ZFHX3: variants seen among roughly 807,000 people sequenced by gnomAD.
ZFHX3 encodes zinc finger homeobox 3.
ZFHX3 carries 42 observed loss-of-function variants against 279.1 expected under a neutral mutation model. That is an observed-to-expected ratio of 0.15 (90% CI 0.12 to 0.19). ZFHX3 has a LOEUF of 0.19. Among genes scored for constraint, ZFHX3 ranks in the 10% least tolerant of loss-of-function variants. The pLI, the probability that ZFHX3 is intolerant of heterozygous loss-of-function variation, is 1.00. For synonymous variants in ZFHX3, 2,293 were observed against 1,957.8 expected (o/e 1.17, Z -4.52); for missense variants, 4,981 against 4,754.0 (o/e 1.05, Z -1.40).
At position 72,980,325 on chromosome 16, in the gene ZFHX3, G is replaced by C. The variant is rs542859277; in HGVS notation, c.-49-20131C>G. Among the ~76,000 whole-genome samples the C allele has an allele frequency of 2.6e-5, 4 of 152,316 alleles. 1 individual carries two copies. The South Asian group carries it at 8.3e-4, about 32-fold the overall frequency. On this transcript the variant is annotated intron_variant, in intron 1 of 9. Coordinates refer to ENST00000268489, the MANE Select transcript of ZFHX3 (RefSeq NM_006885.4). The stretch of plus-strand genomic sequence containing the variant: ...AGGAGGAGAACTGTTCTAGATTAAA[G>C]GGGACCTAAGAACCAAACAACAGCT...
At chr16:73,566,602 C>A (rs940017385) in intron 2 of ZFHX3, among the ~76,000 whole-genome samples, 3 of 146,988 alleles carry the variant, frequency 2.0e-5, no homozygotes, top group Non-Finnish European at 3.0e-5. Context: ...ATTCCTGTGG[C>A]CTCAAACTCC....
chr16:73,562,667 G>T (rs909472759), intron 2 of ZFHX3, among the ~76,000 whole-genome samples: 1 of 149,814 alleles, frequency 6.7e-6, no homozygotes, highest in Non-Finnish European at 1.5e-5. Flanking sequence ...AGAAGGCAGA[G>T]ATGATTTCTC....
intron 3 of ZFHX3, among the ~76,000 whole-genome samples, chr16:72,926,189 T>C (rs1234663389): frequency 1.3e-5 from 2 of 152,226 alleles, no homozygotes; most frequent in African/African-American, 4.8e-5. Context: ...TGTCTTATCA[T>C]TTTATTTTGC....
At chr16:73,193,171 C>G (rs1025180758) in intron 5 of ZFHX3, among the ~76,000 whole-genome samples, 2 of 152,152 alleles carry the variant, frequency 1.3e-5, no homozygotes, top group African/African-American at 4.8e-5. Context: ...GTGGATGAGA[C>G]AGCAAAGAGC....
chr16:73,243,744 TTG>T (rs34895940), intron 5 of ZFHX3, among the ~76,000 whole-genome samples: 29 of 149,712 alleles, frequency 1.9e-4, no homozygotes, highest in Admixed American at 4.7e-4. Flanking sequence ...CCAACACGTT[TTG>T]TGTGTGTGTG....
chr16:73,495,882 A>G (rs1424812250), intron 2 of ZFHX3, among the ~76,000 whole-genome samples: 1 of 152,138 alleles, frequency 6.6e-6, no homozygotes, highest in Non-Finnish European at 1.5e-5. Context: ...ATGAATTTTT[A>G]TTTCATTTTG....
At chr16:73,487,053 G>A (rs1330694706) in intron 2 of ZFHX3, among the ~76,000 whole-genome samples, 1 of 152,180 alleles carries the variant, frequency 6.6e-6, no homozygotes, top group Admixed American at 6.5e-5. Context: ...GATGGAAAAT[G>A]GTATGAGAGA....
At chr16:73,809,958 A>G (rs1167967919) in intron 1 of ZFHX3, among the ~76,000 whole-genome samples, 1 of 152,138 alleles carries the variant, frequency 6.6e-6, no homozygotes, top group Non-Finnish European at 1.5e-5. Flanking sequence ...AGGGAATAAA[A>G]GCATTTTCTT....
At chr16:72,902,912 G>A (rs1018129117) in intron 3 of ZFHX3, among the ~76,000 whole-genome samples, 1 of 152,166 alleles carries the variant, frequency 6.6e-6, no homozygotes, top group East Asian at 1.9e-4. Flanking sequence ...AACAAAAACC[G>A]CCACTCTGAG....
intron 3 of ZFHX3, among the ~76,000 whole-genome samples, chr16:73,337,493 G>C (rs1424566808): frequency 6.6e-6 from 1 of 152,072 alleles, no homozygotes; most frequent in African/African-American, 2.4e-5. Context: ...CCTCCTTTGA[G>C]GCACATCCCA....
chr16:73,189,029 A>G (rs1451244340), intron 5 of ZFHX3, among the ~76,000 whole-genome samples: 1 of 151,902 alleles, frequency 6.6e-6, no homozygotes, highest in African/African-American at 2.4e-5. Flanking sequence ...ACGCCTGGCT[A>G]CTTTTTGTAT....
chr16:72,788,335 C>A lies in ZFHX3; in HGVS notation c.9941G>T (p.Gly3314Val). ...CTGGGGAGCATAATAAGGAGAAAAG[C>A]CTGGTACAAAGTAAGGAAGGAACTG... Reference protein sequence around the residue: ...TSQFLPYFVPGFSPYYAPQIP... With the variant: ...TSQFLPYFVPVFSPYYAPQIP... Residue 3314 changes from glycine to valine, a missense_variant, in exon 10 of 10, where the codon GGC (glycine) becomes GTC (valine). This residue lies in a region of ZFHX3 where 1,034 missense variants were observed against 786.0 expected (regional missense o/e 1.32). Transcript: ENST00000268489. 6.2e-7 allele frequency: 1 copy of A among 1,614,162 alleles called. No individual in the cohort carries two copies. Among genetic ancestry groups the A allele is most frequent in the Non-Finnish European group, 8.5e-7 (1 of 1,180,042 alleles).
chr16:72,894,464 G>A (rs895833718), intron 3 of ZFHX3, among the ~76,000 whole-genome samples: 4 of 152,110 alleles, frequency 2.6e-5, no homozygotes, highest in South Asian at 4.1e-4. Context: ...TTCCTCCCAA[G>A]TGGCACTGGC....
chr16:73,092,861 G>C (rs1966104049), intron 8 of ZFHX3: 2 of 512,424 alleles, frequency 3.9e-6, no homozygotes, highest in African/African-American at 1.9e-5. Context: ...GTTTAATAGG[G>C]ACAACAGTAA....
rs77850450 is a variant in ZFHX3 at position 73,352,474 on chromosome 16, C to T, written c.-1290-34138G>A. On this transcript the variant is annotated intron_variant, in intron 3 of 17. Transcript: ENST00000641206. ...CTTTGGTTTCTCTCTCTCTCTCTCTCTTTTTTTTTTTTTTTTTTTTTTTTT... is the reference window on the plus strand; with the variant it reads ...CTTTGGTTTCTCTCTCTCTCTCTCTTTTTTTTTTTTTTTTTTTTTTTTTTT... Among the ~76,000 whole-genome samples, 314 of 53,278 alleles carry T rather than the reference C, an allele frequency of 5.9e-3. 2 individuals carry two copies. Among genetic ancestry groups the T allele is most frequent in the African/African-American group, 0.025 (289 of 11,594 alleles). The allele number at this position is 53,278 out of a possible 152,430, so 35.0% of individuals were successfully genotyped here. A position where few individuals can be genotyped will look rare whatever the true frequency, so the allele number is the denominator to read the frequency against.
intron 1 of ZFHX3, among the ~76,000 whole-genome samples, chr16:73,040,837 T>G (rs903216415): frequency 4.6e-5 from 7 of 152,176 alleles, no homozygotes; most frequent in African/African-American, 1.7e-4. Flanking sequence ...CCTATTTCAT[T>G]TACTTCCCAC....
At chr16:73,287,895 G>T (rs2014670437) in intron 4 of ZFHX3, among the ~76,000 whole-genome samples, 1 of 152,084 alleles carries the variant, frequency 6.6e-6, no homozygotes, top group Middle Eastern at 3.4e-3. Context: ...CGGCTGTGTG[G>T]GTGTGAGCCG....
chr16:73,337,892 C>CGGCG lies in ZFHX3; in HGVS notation c.-1290-19557_-1290-19556insCGCC, dbSNP rs1012445200. On this transcript the variant is annotated intron_variant, in intron 3 of 17. Transcript: ENST00000641206. The stretch of plus-strand genomic sequence containing the variant: ...TCAATAAGTCTTCATCTTCCCTTGG[C>CGGCG]GGGGGGGGGGGTCCTCATCCCCTTT... Among the ~76,000 whole-genome samples the CGGCG allele has an allele frequency of 6.3e-5, 5 of 79,162 alleles. 1 individual carries two copies. The highest frequency in any genetic ancestry group is 1.5e-4 in the Non-Finnish European group (5 of 33,526). 51.9% of individuals were successfully genotyped at this position (79,162 alleles called of 152,430 possible).
intron 1 of ZFHX3, among the ~76,000 whole-genome samples, chr16:73,769,522 C>CATCT (rs1441563086): frequency 1.3e-5 from 2 of 152,102 alleles, no homozygotes; most frequent in African/African-American, 4.8e-5. Context: ...TAGGAATGAG[C>CATCT]ATCTATATTT....
Sources: gnomAD v4.1 joint callset for allele counts (sites outside exome capture counted in the v4.1 genomes callset) on GRCh38, gnomAD v4.1.1 for gene constraint, gnomAD v4.1.1 regional missense constraint, MANE v1.5 for transcripts, NCBI Gene and HGNC (gene_info 2026-07-23, HGNC 2026-07-21) for gene names.